Variants in MGARP observed in about 807,000 individuals in gnomAD.
MGARP encodes mitochondria localized glutamic acid rich protein.
Under a neutral mutation model 11.0 loss-of-function variants are expected in MGARP, and 12 were observed. The ratio of observed to expected loss-of-function variants is 1.09; its 90% CI spans 0.70 to 1.77. The LOEUF (loss-of-function observed/expected upper bound fraction) is 1.77, where lower values mean the gene tolerates loss of function less well. Among genes scored for constraint, MGARP ranks in the 40% most tolerant of loss-of-function variants. MGARP has a pLI of 0.00. For synonymous variants in MGARP, 110 were observed against 115.4 expected, an observed-to-expected ratio of 0.95 and a Z score of 0.30; for missense variants, 283 against 297.8, an observed-to-expected ratio of 0.95 and a Z score of 0.36.
intron 1 of MGARP, among the ~76,000 whole-genome samples, chr4:139,277,167 C>G (rs1744886420): frequency 6.6e-6 from 1 of 152,114 alleles, no homozygotes; most frequent in Non-Finnish European, 1.5e-5. Flanking sequence ...TTAAGCATGT[C>G]CAACCTGCAA....
chr4:139,280,017 C>A, intron 1 of MGARP, 60 bp downstream of exon 1: 1 of 1,577,076 alleles, frequency 6.3e-7, no homozygotes, highest in South Asian at 1.1e-5. Context: ...TTCCCTGGCG[C>A]GGGCGAAATC....
intron 3 of MGARP, 145 bp from the exon 4 acceptor site, chr4:139,267,186 A>G (rs13112687): frequency 0.17 from 138,923 of 800,772 alleles, 13,221 homozygotes; most frequent in African/African-American, 0.29. Context: ...TGAAACAGCA[A>G]AAAAAGAACA....
At chr4:139,268,907 G>A in intron 2 of MGARP, 142 bp from the exon 3 acceptor site, 1 of 554,666 alleles carries the variant, frequency 1.8e-6, no homozygotes. Context: ...AGAAATCAGT[G>A]CACACCACTT....
chr4:139,280,044 GTCC>G, intron 1 of MGARP, 30 bp downstream of exon 1: 2 of 1,608,586 alleles, frequency 1.2e-6, no homozygotes, highest in South Asian at 1.1e-5. Context: ...CGAGGCGCCC[GTCC>G]TCCTCTCCGG....
rs764241335 is a variant in MGARP, at chr4:139,275,380, C to T, written c.95G>A (p.Arg32Gln). Residue 32 changes from arginine to glutamine, a missense_variant, in exon 2 of 4, where the codon CGG becomes CAG. Transcript: ENST00000398955. ...TCCAGGGAATCTGTTAGATGACATCCGGCGCAGAGATGCTAGGAAAAAAAT... is the reference window on the plus strand; with the variant it reads ...TCCAGGGAATCTGTTAGATGACATCTGGCGCAGAGATGCTAGGAAAAAAAT... ...APLGKDASLRRMSSNRFPGSS... is the reference protein window; with the variant it reads ...APLGKDASLRQMSSNRFPGSS... The T allele has an allele frequency of 9.0e-5, 146 of 1,613,472 alleles. No homozygotes were observed. Among genetic ancestry groups the T allele is most frequent in the South Asian group, 2.5e-4 (23 of 91,004 alleles).
intron 1 of MGARP, among the ~76,000 whole-genome samples, chr4:139,278,986 A>G (rs1276454226): frequency 6.6e-6 from 1 of 152,134 alleles, no homozygotes; most frequent in Non-Finnish European, 1.5e-5. Flanking sequence ...GGCCCATGGA[A>G]TTCTCCGCGC....
chr4:139,268,080 G>A (rs1361430107), intron 3 of MGARP, among the ~76,000 whole-genome samples: 2 of 150,742 alleles, frequency 1.3e-5, no homozygotes, highest in African/African-American at 4.9e-5. Context: ...TTGCACCACT[G>A]CACTCCAGCC....
chr4:139,280,094 G>A lies in MGARP; in HGVS notation c.65C>T (p.Ala22Val). 2 of 1,612,352 alleles carry A rather than the reference G, an allele frequency of 1.2e-6. No individual in the cohort carries two copies. Among genetic ancestry groups the A allele is most frequent in the Non-Finnish European group, 1.7e-6 (2 of 1,179,798 alleles). ...TTACTCACCGTCCTTTCCGAGCGGC[G>A]CGGGGTTGGGGGGCGCCCTCAGCGG... is the stretch of plus-strand genomic sequence containing the variant. ...ALPLRAPPNPAPLGKDASLRR... is the reference protein window; with the variant it reads ...ALPLRAPPNPVPLGKDASLRR... The change falls in exon 1 of 4, where the codon GCG becomes GTG. Residue 22 changes from alanine (A) to valine (V), a missense_variant. By Grantham distance (64) the Ala-to-Val change is moderately conservative. Transcript: ENST00000398955.
At position 139,268,776 on chromosome 4, in the gene MGARP, A is replaced by G. The variant is rs200754627; in HGVS notation, c.187-11T>C. 68 of 1,585,640 alleles carry G rather than the reference A, an allele frequency of 4.3e-5. No individual in the cohort carries two copies. The highest frequency in any genetic ancestry group is 5.3e-5 in the Non-Finnish European group (62 of 1,161,592). The stretch of plus-strand genomic sequence containing the variant: ...GACTGTCTTGTAAGCCTGAAAGTAA[A>G]TGTATGCTTAGGTTTATTTCTTGAG... On this transcript the variant is annotated splice_polypyrimidine_tract_variant and intron_variant, in intron 2 of 3. Coordinates refer to ENST00000398955, the MANE Select transcript of MGARP (RefSeq NM_032623.4).
chr4:139,277,732 C>T (rs1172664664), intron 1 of MGARP, among the ~76,000 whole-genome samples: 1 of 151,866 alleles, frequency 6.6e-6, no homozygotes, highest in African/African-American at 2.4e-5. Context: ...TAGCAAAATA[C>T]TCTGGGACTA....
rs548218109 is a variant in MGARP at position 139,266,844 on chromosome 4, C to T, written c.478G>A (p.Val160Ile). 1 of 1,614,166 alleles carries T rather than the reference C, an allele frequency of 6.2e-7. No individual in the cohort carries two copies. Among genetic ancestry groups the T allele is most frequent in the African/African-American group, 1.3e-5 (1 of 75,036 alleles). Residue 160 changes from valine to isoleucine, a missense_variant, in exon 4 of 4, where the codon GTC (valine) becomes ATC (isoleucine). Val to Ile is a conservative substitution (Grantham distance 29). Transcript: ENST00000398955. Reference sequence around the variant, plus strand: ...GTTTCCCTCGCCGCTGCATCTGTGACCTCTGGCCCGGTTTCAGCACTGACT... The same window carrying T: ...GTTTCCCTCGCCGCTGCATCTGTGATCTCTGGCCCGGTTTCAGCACTGACT... ...TAVSAETGPE[V>I]TDAAARETTE...
At position 139,267,007 on chromosome 4, in the gene MGARP, T is replaced by C. The variant is rs1401415930; in HGVS notation, c.315A>G (p.Ala105=). 1 of 1,613,856 alleles carries C rather than the reference T, an allele frequency of 6.2e-7. No homozygotes were observed. Among genetic ancestry groups the C allele is most frequent in the Non-Finnish European group, 8.5e-7 (1 of 1,179,902 alleles). The part of the protein sequence containing the change: ...EKENVAETEK[A]SSEAPEELIV... ...TAAGTTCTTCTGGGGCTTCTGAACT[T>C]GCTTTCTCAGTTTCCGCAACATTCT... Residue 105 remains alanine, a synonymous_variant, in exon 4 of 4, where the codon GCA becomes GCG. Transcript: ENST00000398955.
intron 1 of MGARP, among the ~76,000 whole-genome samples, chr4:139,275,943 C>G (rs1046549294): frequency 2.0e-5 from 3 of 151,916 alleles, no homozygotes; most frequent in Non-Finnish European, 4.4e-5. Flanking sequence ...GCAGATAAAA[C>G]GTTTTTAAGC....
intron 3 of MGARP, among the ~76,000 whole-genome samples, chr4:139,267,946 T>C (rs1744720649): frequency 6.6e-6 from 1 of 152,164 alleles, no homozygotes; most frequent in African/African-American, 2.4e-5. Context: ...AGACCCTGTC[T>C]CTGCAAAACA....
intron 2 of MGARP, among the ~76,000 whole-genome samples, chr4:139,273,510 C>CT (rs1000327890): frequency 0.028 from 3,423 of 123,586 alleles, 76 homozygotes; most frequent in Non-Finnish European, 0.032. Flanking sequence ...TACTTTTATT[C>CT]TTTTTTTTTT....
chr4:139,270,385 G>A (rs1329401531), intron 2 of MGARP, among the ~76,000 whole-genome samples: 2 of 151,334 alleles, frequency 1.3e-5, no homozygotes, highest in Non-Finnish European at 2.9e-5. Flanking sequence ...CGAGGCAGGC[G>A]GATCATGAGG....
At position 139,280,204 on chromosome 4, in the gene MGARP, G is replaced by A. The variant is rs764032718; in HGVS notation, c.-46C>T. The stretch of plus-strand genomic sequence containing the variant: ...CAGCAGCCTCGGTACCCAGGCGCAG[G>A]CTGCCCTTCCACAGAGAGGCTGAGA... On this transcript the variant is annotated 5_prime_UTR_variant, in exon 1 of 4. Transcript: ENST00000398955. 3.2e-6 allele frequency: 5 copies of A among 1,563,254 alleles called. No individual in the cohort carries two copies. In the African/African-American group the frequency reaches 5.4e-5, roughly 17 times the overall value.
intron 3 of MGARP, 56 bp downstream of exon 3, chr4:139,268,616 T>C (rs2110729493): frequency 1.6e-6 from 2 of 1,247,922 alleles, no homozygotes; most frequent in East Asian, 5.1e-5. Context: ...ACTAAGTGGA[T>C]GGAAATTAGT....
intron 1 of MGARP, among the ~76,000 whole-genome samples, chr4:139,279,249 T>G (rs1157226390): frequency 6.6e-6 from 1 of 152,232 alleles, no homozygotes; most frequent in East Asian, 1.9e-4. Context: ...ATTAAGCACC[T>G]ACTATGTTCC....
Sources: allele counts gnomAD v4.1 joint callset (sites outside exome capture counted in the v4.1 genomes callset), GRCh38; gene constraint gnomAD v4.1.1; transcripts MANE v1.5; gene names NCBI Gene and HGNC (gene_info 2026-07-23, HGNC 2026-07-21).